The following COL23A1 variants were observed in gnomAD, a reference collection of about 807,000 sequenced individuals.
COL23A1 encodes collagen alpha-1(XXIII) chain.
Under a neutral mutation model 99.3 loss-of-function variants are expected in COL23A1, and 97 were observed. The observed-to-expected ratio is 0.98, with a 90% CI of 0.83 to 1.16. The LOEUF (loss-of-function observed/expected upper bound fraction) is 1.16, where lower values mean the gene tolerates loss of function less well. COL23A1 is among the 50% of genes most tolerant of loss of function. COL23A1 has a pLI of 0.00. For missense variants in COL23A1, 762 were observed against 757.4 expected, an observed-to-expected ratio of 1.01 and a Z score of -0.07; for synonymous variants, 320 against 308.2, an observed-to-expected ratio of 1.04 and a Z score of -0.40.
chr5:178,257,745 C>A (rs1040846699), intron 12 of COL23A1, among the ~76,000 whole-genome samples, 178 bp from the exon 13 acceptor site: 1 of 152,278 alleles, frequency 6.6e-6, no homozygotes, highest in Non-Finnish European at 1.5e-5. Context: ...TCAGACCCAT[C>A]TCTGTGTGTC....
At chr5:178,240,889 C>G (rs1003095040) in intron 27 of COL23A1, among the ~76,000 whole-genome samples, 2 of 152,158 alleles carry the variant, frequency 1.3e-5, no homozygotes, top group African/African-American at 4.8e-5. Flanking sequence ...TCTGTTTTTC[C>G]TGTCTTTTCT....
chr5:178,572,072 C>CAAAAAAAAAAAAAAAAAAAAAAAAA (rs57863132), intron 1 of COL23A1, among the ~76,000 whole-genome samples: 2 of 109,496 alleles, frequency 1.8e-5, no homozygotes, highest in Non-Finnish European at 3.6e-5. Flanking sequence ...TTTCTCAAAA[C>CAAAAAAAAAAAAAAAAAAAAAAAAA]AAAAAAAAAA....
intron 2 of COL23A1, among the ~76,000 whole-genome samples, chr5:178,512,050 C>T (rs757140090): frequency 1.3e-5 from 2 of 152,224 alleles, no homozygotes; most frequent in Non-Finnish European, 2.9e-5. Flanking sequence ...TTTGACCCAA[C>T]AATTTCCTTT....
chr5:178,269,719 A>C (rs992516082), intron 6 of COL23A1, among the ~76,000 whole-genome samples: 3 of 149,180 alleles, frequency 2.0e-5, no homozygotes, highest in East Asian at 2.0e-4. Flanking sequence ...CAATCCATCC[A>C]TCCATCCATC....
chr5:178,397,727 G>C (rs1764227496), intron 2 of COL23A1, among the ~76,000 whole-genome samples: 2 of 152,246 alleles, frequency 1.3e-5, no homozygotes, highest in Non-Finnish European at 2.9e-5. Context: ...AGTGGCTCAT[G>C]CCTGTAATCC....
At chr5:178,467,185 T>G (rs1756468665) in intron 2 of COL23A1, among the ~76,000 whole-genome samples, 1 of 152,174 alleles carries the variant, frequency 6.6e-6, no homozygotes, top group Non-Finnish European at 1.5e-5. Context: ...AGCTCAGTAT[T>G]CTTTTTCTGA....
At chr5:178,326,197 A>G (rs1033793863) in intron 2 of COL23A1, among the ~76,000 whole-genome samples, 1 of 152,172 alleles carries the variant, frequency 6.6e-6, no homozygotes, top group Non-Finnish European at 1.5e-5. Flanking sequence ...AGTGAAGCAC[A>G]CGTGCTCGCG....
At chr5:178,347,687 C>G (rs920349084) in intron 2 of COL23A1, among the ~76,000 whole-genome samples, 1 of 151,830 alleles carries the variant, frequency 6.6e-6, no homozygotes, top group Non-Finnish European at 1.5e-5. Context: ...TCGAGACCAT[C>G]CTGGCCAACA....
intron 7 of COL23A1, among the ~76,000 whole-genome samples, chr5:178,267,611 C>T (rs895815725): frequency 9.9e-5 from 15 of 152,194 alleles, no homozygotes; most frequent in African/African-American, 3.6e-4. Context: ...AGGCCCCAGA[C>T]ATTGTGGAGC....
intron 5 of COL23A1, among the ~76,000 whole-genome samples, chr5:178,271,198 C>T (rs766670654): frequency 1.1e-4 from 16 of 152,206 alleles, no homozygotes; most frequent in Non-Finnish European, 1.5e-4. Flanking sequence ...AGCTCCCCTC[C>T]GTGTGGGAGT....
chr5:178,524,638 C>T (rs927888376), intron 2 of COL23A1, among the ~76,000 whole-genome samples: 2 of 152,268 alleles, frequency 1.3e-5, no homozygotes, highest in Admixed American at 6.5e-5. Flanking sequence ...CCTGGCCACA[C>T]CTGCCCATTC....
At chr5:178,345,122 G>T in intron 2 of COL23A1, 1 of 603,032 alleles carries the variant, frequency 1.7e-6, no homozygotes. Context: ...CCAGGAAGAT[G>T]GTCATCTAAA....
Position 178,434,906 on chromosome 5 carries a change from T to C in COL23A1, c.361+125776A>G, listed in dbSNP as rs1766470289. ...CTTCTGAACCCTCGGTCTCAGCCCTTGCAGGGCAGCCCAGCCCCGACCCTG... is the reference window on the plus strand; with the variant it reads ...CTTCTGAACCCTCGGTCTCAGCCCTCGCAGGGCAGCCCAGCCCCGACCCTG... On this transcript the variant is annotated intron_variant, in intron 2 of 28. Coordinates refer to ENST00000390654, the MANE Select transcript of COL23A1 (RefSeq NM_173465.4). This position sits in a 1 kb window ranked among gnomAD's most constrained non-coding sequence, Gnocchi z 4.3. Among the ~76,000 whole-genome samples the C allele has an allele frequency of 6.6e-6, 1 of 152,178 alleles. No homozygotes were observed. The highest frequency in any genetic ancestry group is 2.4e-5 in the African/African-American group (1 of 41,456).
intron 2 of COL23A1, among the ~76,000 whole-genome samples, chr5:178,546,092 C>T (rs1761562705): frequency 6.6e-6 from 1 of 152,032 alleles, no homozygotes; most frequent in Non-Finnish European, 1.5e-5. Flanking sequence ...TATGTCTCAG[C>T]CCTGCCCTGG....
chr5:178,518,463 G>A (rs1431418845), intron 2 of COL23A1, among the ~76,000 whole-genome samples: 3 of 150,440 alleles, frequency 2.0e-5, no homozygotes, highest in Non-Finnish European at 3.0e-5. Flanking sequence ...TCACTTCCCA[G>A]TAGGGGCGGC....
intron 5 of COL23A1, among the ~76,000 whole-genome samples, chr5:178,278,057 G>A (rs1220739275): frequency 6.6e-6 from 1 of 152,212 alleles, no homozygotes; most frequent in South Asian, 2.1e-4. Context: ...CCGTGGATGG[G>A]GTGGAAATCC....
At chr5:178,242,860 C>A (rs1174950766) in intron 25 of COL23A1, among the ~76,000 whole-genome samples, 1 of 152,178 alleles carries the variant, frequency 6.6e-6, no homozygotes, top group Non-Finnish European at 1.5e-5. Context: ...GCTTAACATC[C>A]ACTAGGAACC....
chr5:178,444,120 C>T (rs1767032728), intron 2 of COL23A1, among the ~76,000 whole-genome samples: 1 of 151,990 alleles, frequency 6.6e-6, no homozygotes, highest in African/African-American at 2.4e-5. Flanking sequence ...GTGGGAGGAT[C>T]CCTTGAGCCC....
intron 12 of COL23A1, among the ~76,000 whole-genome samples, chr5:178,258,792 T>C (rs1015940636): frequency 6.6e-6 from 1 of 152,048 alleles, no homozygotes; most frequent in Non-Finnish European, 1.5e-5. Flanking sequence ...CCTCCTGGGC[T>C]CAAGCGATCC....
Sources: allele counts gnomAD v4.1 joint callset (sites outside exome capture counted in the v4.1 genomes callset), GRCh38; gene constraint gnomAD v4.1.1; non-coding constraint Gnocchi (gnomAD v3.1); transcripts MANE v1.5; gene names NCBI Gene and HGNC (gene_info 2026-07-23, HGNC 2026-07-21).